UBE3D: variants seen among roughly 807,000 people sequenced by gnomAD.
The protein encoded by UBE3D is ubiquitin protein ligase E3D.
Under a neutral mutation model 49.6 loss-of-function variants are expected in UBE3D, and 48 were observed. That is an observed-to-expected ratio of 0.97 (90% CI 0.77 to 1.23). The LOEUF is 1.23. Ranked by LOEUF, UBE3D falls within the 50% of genes most tolerant of loss-of-function variation. UBE3D has a pLI of 0.00. For missense variants in UBE3D, 452 were observed against 468.4 expected (o/e 0.96, Z 0.32); for synonymous variants, 189 against 174.2 (o/e 1.08, Z -0.67).
At chr6:83,014,826 G>C (rs1175806237) in intron 8 of UBE3D, among the ~76,000 whole-genome samples, 2 of 152,160 alleles carry the variant, frequency 1.3e-5, no homozygotes, top group Non-Finnish European at 2.9e-5. Flanking sequence ...CTGTAAACTG[G>C]CTCAAGTCTG....
intron 3 of UBE3D, among the ~76,000 whole-genome samples, chr6:83,048,555 C>A (rs1325628489): frequency 1.3e-5 from 2 of 152,152 alleles, no homozygotes; most frequent in Non-Finnish European, 1.5e-5. Flanking sequence ...CCAAGATTTA[C>A]AGAGATCTGG....
chr6:82,963,431 A>T (rs1265227539), intron 8 of UBE3D, among the ~76,000 whole-genome samples: 1 of 152,174 alleles, frequency 6.6e-6, no homozygotes, highest in Non-Finnish European at 1.5e-5. Flanking sequence ...ATAGATATAT[A>T]GGGAAGTTTA....
the UBE3D span, among the ~76,000 whole-genome samples, chr6:82,881,445 G>C: frequency 6.6e-6 from 1 of 152,160 alleles, no homozygotes. Flanking sequence ...TTGATTCCAA[G>C]GGTTCTAGCC....
intron 9 of UBE3D, among the ~76,000 whole-genome samples, chr6:82,906,935 C>T (rs1462684279): frequency 1.3e-5 from 2 of 152,126 alleles, no homozygotes; most frequent in East Asian, 3.9e-4. Flanking sequence ...GTTCATGAGT[C>T]CCTCCCTTTT....
chr6:82,983,172 T>A (rs944499718), intron 8 of UBE3D, among the ~76,000 whole-genome samples: 3 of 126,808 alleles, frequency 2.4e-5, no homozygotes, highest in South Asian at 5.2e-4. Context: ...TTTTTTTTTT[T>A]ATCTTTTTTG....
intron 8 of UBE3D, among the ~76,000 whole-genome samples, chr6:82,962,515 C>G (rs1460557296): frequency 6.6e-6 from 1 of 152,080 alleles, no homozygotes; most frequent in Non-Finnish European, 1.5e-5. Context: ...GTAATGATAA[C>G]CACAGTCACA....
chr6:82,943,291 A>G (rs1200432317), intron 9 of UBE3D, among the ~76,000 whole-genome samples: 1 of 152,014 alleles, frequency 6.6e-6, no homozygotes, highest in Non-Finnish European at 1.5e-5. Flanking sequence ...TGTCCCCCTG[A>G]CAGGGAAAGC....
chr6:83,009,151 A>C (rs1320063936), intron 8 of UBE3D, among the ~76,000 whole-genome samples: 2 of 152,162 alleles, frequency 1.3e-5, no homozygotes, highest in African/African-American at 4.8e-5. Context: ...ATGAATATAA[A>C]AATCAGCAAA....
rs116936843 is a variant in UBE3D at position 82,895,394 on chromosome 6, C to T, written c.1150-2352G>A. 3.0e-3 allele frequency among the ~76,000 whole-genome samples: 460 copies of T among 152,222 alleles called. 3 individuals are homozygous for T. The highest frequency in any genetic ancestry group is 0.011 in the African/African-American group (439 of 41,546). ...AACTTGAGGTGATTTTGTGTACTGA[C>T]GGGCGTTTGGCAGTATCTGGAGACA... On this transcript the variant is annotated intron_variant, in intron 9 of 9. Transcript: ENST00000369747.
At chr6:82,928,347 T>A (rs1010137559) in intron 9 of UBE3D, among the ~76,000 whole-genome samples, 7 of 152,128 alleles carry the variant, frequency 4.6e-5, no homozygotes, top group African/African-American at 1.7e-4. Flanking sequence ...GAGAACATTA[T>A]TAATGTTGTT....
intron 8 of UBE3D, among the ~76,000 whole-genome samples, chr6:82,986,482 A>C (rs1038407687): frequency 2.7e-5 from 4 of 149,800 alleles, no homozygotes; most frequent in Admixed American, 1.3e-4. Flanking sequence ...AAAAAAAAAA[A>C]AAAAAAAAAA....
chr6:82,951,806 C>T (rs1428376964), intron 9 of UBE3D, among the ~76,000 whole-genome samples: 3 of 152,074 alleles, frequency 2.0e-5, no homozygotes, highest in East Asian at 1.9e-4. Flanking sequence ...GAGGCCCTGA[C>T]CAAAAGGACG....
chr6:82,940,028 C>G (rs1217515021), intron 9 of UBE3D, among the ~76,000 whole-genome samples: 1 of 152,162 alleles, frequency 6.6e-6, no homozygotes, highest in African/African-American at 2.4e-5. Context: ...ACAGAAATGT[C>G]TGAGGGGCAG....
intron 8 of UBE3D, among the ~76,000 whole-genome samples, chr6:82,966,367 A>AATT (rs1216940483): frequency 7.5e-6 from 1 of 133,732 alleles, no homozygotes; most frequent in South Asian, 2.3e-4. Flanking sequence ...AAAACCACTG[A>AATT]GGGCCGGGCG....
At chr6:82,961,424 G>A (rs1257814876) in intron 8 of UBE3D, among the ~76,000 whole-genome samples, 1 of 152,156 alleles carries the variant, frequency 6.6e-6, no homozygotes, top group Admixed American at 6.5e-5. Context: ...GCCCTGAATG[G>A]TAGGCATCAT....
chr6:82,895,180 A>T (rs1771225383), intron 9 of UBE3D, among the ~76,000 whole-genome samples: 1 of 152,098 alleles, frequency 6.6e-6, no homozygotes, highest in Admixed American at 6.5e-5. Context: ...GCATGGTGGC[A>T]GGTACCTGTA....
Position 83,045,383 on chromosome 6 carries a change from C to G in UBE3D, c.366-724G>C, listed in dbSNP as rs1009269007. On this transcript the variant is annotated intron_variant, in intron 3 of 9. Transcript: ENST00000369747. ...GCTTTAACTGGCAACTCTTAAATTA[C>G]TGGTGAGATTCATCTAGTTTTGCTA... Among the ~76,000 whole-genome samples, 3 of 152,114 alleles carry G rather than the reference C, an allele frequency of 2.0e-5. No homozygotes were observed. In the South Asian group the frequency reaches 6.2e-4, roughly 31 times the overall value.
intron 8 of UBE3D, among the ~76,000 whole-genome samples, chr6:82,977,879 C>T (rs1777838530): frequency 6.6e-6 from 1 of 152,048 alleles, no homozygotes; most frequent in South Asian, 2.1e-4. Context: ...CAGGATCTGT[C>T]TAAAAATAGA....
At chr6:82,948,376 T>A (rs2127763509) in intron 9 of UBE3D, among the ~76,000 whole-genome samples, 1 of 151,698 alleles carries the variant, frequency 6.6e-6, no homozygotes, top group African/African-American at 2.4e-5. Context: ...TAATACAAAG[T>A]TCCCCAGTAA....
Sources: gnomAD v4.1 joint callset for allele counts (sites outside exome capture counted in the v4.1 genomes callset) on GRCh38, gnomAD v4.1.1 for gene constraint, MANE v1.5 for transcripts, NCBI Gene and HGNC (gene_info 2026-07-23, HGNC 2026-07-21) for gene names.